AK3: variants seen among roughly 807,000 people sequenced by gnomAD.
AK3 encodes GTP:AMP phosphotransferase AK3, mitochondrial.
A neutral mutation model predicts 23.7 loss-of-function variants in AK3; 27 were observed. The ratio of observed to expected loss-of-function variants is 1.14; its 90% CI spans 0.84 to 1.57. The LOEUF is 1.57. AK3 is among the 40% of genes most tolerant of loss of function. The pLI, the probability that AK3 is intolerant of heterozygous loss-of-function variation, is 0.00. For synonymous variants in AK3, 159 were observed against 116.0 expected, an observed-to-expected ratio of 1.37 and a Z score of -2.38; for missense variants, 406 against 285.6, an observed-to-expected ratio of 1.42 and a Z score of -3.04.
intron 1 of AK3, among the ~76,000 whole-genome samples, chr9:4,730,708 CTTT>C (rs978414120): frequency 2.4e-4 from 37 of 152,170 alleles, no homozygotes; most frequent in African/African-American, 6.5e-4. Flanking sequence ...TTATCATGAA[CTTT>C]TTTATGTTTG....
intron 4 of AK3, among the ~76,000 whole-genome samples, chr9:4,717,278 A>G (rs1205793634): frequency 6.6e-6 from 1 of 152,226 alleles, no homozygotes; most frequent in South Asian, 2.1e-4. Flanking sequence ...GAGGCAGTCA[A>G]TCCTCTGTAA....
At position 4,735,266 on chromosome 9, in the gene AK3, TATATATAA is replaced by T. The variant is rs1842245730; in HGVS notation, c.151+5663_151+5670del. On this transcript the variant is annotated intron_variant, in intron 1 of 4. Coordinates refer to ENST00000381809, the MANE Select transcript of AK3 (RefSeq NM_016282.4). ...ATATAAATATATATATATATAAATA[TATATATAA>T]ATATATATACATATATAAATATATA... Among the ~76,000 whole-genome samples, 2 of 13,322 alleles carry T rather than the reference TATATATAA, an allele frequency of 1.5e-4. 1 individual carries two copies. Among genetic ancestry groups the T allele is most frequent in the South Asian group, 4.4e-3 (2 of 458 alleles). The allele number at this position is 13,322 out of a possible 152,430, so 8.7% of individuals were successfully genotyped here.
At position 4,709,880 on chromosome 9, in the gene AK3, T is replaced by C. The variant is rs575389380; in HGVS notation, c.*3096A>G. On this transcript the variant is annotated 3_prime_UTR_variant, in exon 5 of 5. Coordinates refer to ENST00000381809, the MANE Select transcript of AK3 (RefSeq NM_016282.4). ...ACAACATATTCTAAAATACAAATTC[T>C]TGCTGTTGGTTGCAACTATAGCAAT... 65 of 152,298 alleles carry C rather than the reference T, an allele frequency of 4.3e-4. No homozygotes were observed. The highest frequency in any genetic ancestry group is 1.5e-3 in the African/African-American group (64 of 41,564). 9.4% of individuals were successfully genotyped at this position (152,298 alleles called of 1,614,324 possible).
chr9:4,715,344 C>A (rs1045846282), intron 4 of AK3, among the ~76,000 whole-genome samples: 2 of 151,322 alleles, frequency 1.3e-5, no homozygotes, highest in Non-Finnish European at 2.9e-5. Context: ...GACAGGGGCC[C>A]GTGTCTTTCA....
At chr9:4,734,299 C>T (rs1367582044) in intron 1 of AK3, among the ~76,000 whole-genome samples, 3 of 82,026 alleles carry the variant, frequency 3.7e-5, no homozygotes, top group Non-Finnish European at 5.6e-5. Context: ...GTACTTCTAG[C>T]CTCCAGAACT....
intron 1 of AK3, among the ~76,000 whole-genome samples, chr9:4,736,687 TC>T (rs1842301843): frequency 6.6e-6 from 1 of 151,486 alleles, no homozygotes; most frequent in African/African-American, 2.4e-5. Context: ...GGGTTATGTC[TC>T]CTTTTTTTTT....
At chr9:4,738,759 TAC>T (rs141718304) in intron 1 of AK3, among the ~76,000 whole-genome samples, 8 of 142,138 alleles carry the variant, frequency 5.6e-5, no homozygotes, top group Non-Finnish European at 1.1e-4. Flanking sequence ...AAATATGCTT[TAC>T]TTTTTTTTTT....
intron 1 of AK3, among the ~76,000 whole-genome samples, chr9:4,727,976 C>G (rs1312379460): frequency 1.3e-5 from 2 of 152,130 alleles, no homozygotes; most frequent in African/African-American, 2.4e-5. Flanking sequence ...AGTCAGAACA[C>G]ACATAACATT....
chr9:4,738,612 G>GGA (rs533675396), intron 1 of AK3, among the ~76,000 whole-genome samples: 2 of 149,154 alleles, frequency 1.3e-5, no homozygotes, highest in African/African-American at 2.5e-5. Flanking sequence ...AAAAGAAAAA[G>GGA]AAAAAAAAAG....
intron 2 of AK3, among the ~76,000 whole-genome samples, chr9:4,720,390 T>C (rs571664496): frequency 6.6e-6 from 1 of 152,236 alleles, no homozygotes; most frequent in East Asian, 1.9e-4. Context: ...TTTTCAAAAA[T>C]GACAAAAGTT....
chr9:4,715,823 C>A (rs938828852), intron 4 of AK3, among the ~76,000 whole-genome samples: 1 of 152,182 alleles, frequency 6.6e-6, no homozygotes, highest in African/African-American at 2.4e-5. Context: ...TGCATTCTCC[C>A]TTCCTCTGGT....
chr9:4,728,549 C>T (rs1221288998), intron 1 of AK3, among the ~76,000 whole-genome samples: 4 of 152,134 alleles, frequency 2.6e-5, no homozygotes, highest in East Asian at 1.9e-4. Flanking sequence ...CCAGCCTGGG[C>T]AACAGAGTGA....
chr9:4,717,044 C>A (rs1587638006), intron 4 of AK3, among the ~76,000 whole-genome samples: 1 of 152,188 alleles, frequency 6.6e-6, no homozygotes, highest in Non-Finnish European at 1.5e-5. Flanking sequence ...GCTTTCTATG[C>A]GTCAGGCCCA....
At chr9:4,722,367 G>C (rs749468628) in intron 2 of AK3, 139 bp downstream of exon 2, 2 of 1,188,744 alleles carry the variant, frequency 1.7e-6, no homozygotes, top group East Asian at 5.0e-5. Flanking sequence ...CAGAGAAGAT[G>C]ACTGGTTTCA....
Position 4,719,298 on chromosome 9 carries a change from C to G in AK3, c.281G>C (p.Arg94Thr). The part of the protein sequence containing the change: ...QYSWLLDGFP[R>T]TLPQAEALDR... ...TAGGGCTTCTGCCTGTGGAAGTGTC[C>G]TTGGAAAACCTTTATAAAGTAAAAA... Residue 94 changes from arginine to threonine, a missense_variant, in exon 3 of 5, where the codon AGG becomes ACG. By Grantham distance (71) the Arg-to-Thr change is moderately conservative (BLOSUM62 -1). Transcript: ENST00000381809. 1 of 1,359,178 alleles carries G rather than the reference C, an allele frequency of 7.4e-7. No homozygotes were observed. The highest frequency in any genetic ancestry group is 9.7e-7 in the Non-Finnish European group (1 of 1,026,528). The allele number at this position is 1,359,178 out of a possible 1,614,324, so 84.2% of individuals were successfully genotyped here.
intron 1 of AK3, among the ~76,000 whole-genome samples, chr9:4,724,445 G>A (rs1025364856): frequency 2.0e-5 from 3 of 152,120 alleles, no homozygotes; most frequent in African/African-American, 7.2e-5. Context: ...ATGAATAGCT[G>A]TAAGAAAAGA....
At chr9:4,717,455 C>A (rs1026002813) in intron 4 of AK3, among the ~76,000 whole-genome samples, 6 of 152,202 alleles carry the variant, frequency 3.9e-5, no homozygotes, top group Non-Finnish European at 8.8e-5. Context: ...GAGGGATTAG[C>A]TGCCATCTGA....
At chr9:4,717,780 G>A (rs1841776780) in intron 4 of AK3, among the ~76,000 whole-genome samples, 1 of 152,224 alleles carries the variant, frequency 6.6e-6, no homozygotes, top group South Asian at 2.1e-4. Flanking sequence ...GCTAATCTAA[G>A]TGTTCTGAGC....
intron 1 of AK3, among the ~76,000 whole-genome samples, chr9:4,724,167 C>A (rs1237899465): frequency 6.6e-6 from 1 of 152,152 alleles, no homozygotes; most frequent in Non-Finnish European, 1.5e-5. Context: ...CTCACTAAAA[C>A]AGCCTTATAC....
Sources: gnomAD v4.1 joint callset for allele counts (sites outside exome capture counted in the v4.1 genomes callset) on GRCh38, gnomAD v4.1.1 for gene constraint, MANE v1.5 for transcripts, NCBI Gene and HGNC (gene_info 2026-07-23, HGNC 2026-07-21) for gene names.